Variants in ATXN7L1 observed in about 807,000 individuals in gnomAD.
ATXN7L1 encodes the protein ataxin-7-like protein 1.
A neutral mutation model predicts 70.8 loss-of-function variants in ATXN7L1; 15 were observed. That is an observed-to-expected ratio of 0.21 (90% CI 0.14 to 0.33). ATXN7L1 has a LOEUF of 0.33. Among genes scored for constraint, ATXN7L1 ranks in the 10% least tolerant of loss-of-function variants. The probability of loss-of-function intolerance (pLI) is 1.00; values close to 1 mark genes in which losing one functional copy is unlikely to be tolerated. For synonymous variants in ATXN7L1, 440 were observed against 445.1 expected (o/e 0.99, Z 0.14); for missense variants, 975 against 1,097.1 (o/e 0.89, Z 1.57).
chr7:105,813,397 G>A (rs1003596495), intron 2 of ATXN7L1, among the ~76,000 whole-genome samples: 1 of 150,214 alleles, frequency 6.7e-6, no homozygotes, highest in Non-Finnish European at 1.5e-5. Flanking sequence ...GAGTGCAATG[G>A]CACAATCTCA....
chr7:105,664,563 A>ATGTGTGTG (rs201514886), intron 4 of ATXN7L1, among the ~76,000 whole-genome samples: 2 of 134,736 alleles, frequency 1.5e-5, no homozygotes, highest in African/African-American at 6.0e-5. Context: ...TATATATATT[A>ATGTGTGTG]TGTATGTGTG....
intron 3 of ATXN7L1, among the ~76,000 whole-genome samples, chr7:105,727,785 C>CAA (rs1796081723): frequency 1.8e-5 from 1 of 54,892 alleles, no homozygotes; most frequent in African/African-American, 8.7e-5. Context: ...TATACACACA[C>CAA]ATACACACAT....
chr7:105,731,665 C>T (rs1428421977), intron 3 of ATXN7L1, among the ~76,000 whole-genome samples: 1 of 150,866 alleles, frequency 6.6e-6, no homozygotes, highest in East Asian at 2.0e-4. Flanking sequence ...GAACTCCTGA[C>T]CTCAGGTGAT....
At chr7:105,799,198 C>T (rs1048522014) in intron 2 of ATXN7L1, among the ~76,000 whole-genome samples, 1 of 152,206 alleles carries the variant, frequency 6.6e-6, no homozygotes, top group Non-Finnish European at 1.5e-5. Context: ...TTTGTAAAGG[C>T]ACAAGGAGAG....
chr7:105,819,724 G>C, intron 2 of ATXN7L1: 1 of 814,572 alleles, frequency 1.2e-6, no homozygotes, highest in East Asian at 2.8e-5. Context: ...GCCTCTAGCC[G>C]CACCTTCCGG....
intron 3 of ATXN7L1, among the ~76,000 whole-genome samples, chr7:105,687,326 T>C (rs900105218): frequency 3.3e-5 from 5 of 152,216 alleles, no homozygotes; most frequent in Admixed American, 1.3e-4. Flanking sequence ...ACTTCATATG[T>C]TGATGTCTTA....
At position 105,784,310 on chromosome 7, in the gene ATXN7L1, C is replaced by G. The variant is rs79571490; in HGVS notation, c.355+4294G>C. Reference sequence around the variant, plus strand: ...CGGAACTGAATTAAATCGTAGGACACTGAATTGGTACCTGCAGAGAATCCC... The same window carrying G: ...CGGAACTGAATTAAATCGTAGGACAGTGAATTGGTACCTGCAGAGAATCCC... On this transcript the variant is annotated intron_variant, in intron 3 of 11. Transcript: ENST00000419735. 3.9e-3 allele frequency among the ~76,000 whole-genome samples: 590 copies of G among 152,196 alleles called. 5 individuals carry two copies. The highest frequency in any genetic ancestry group is 0.013 in the African/African-American group (536 of 41,496).
At chr7:105,868,341 G>A (rs74454369) in intron 2 of ATXN7L1, among the ~76,000 whole-genome samples, 4,371 of 152,272 alleles carry the variant, frequency 0.029, 210 homozygotes, top group African/African-American at 0.098. Context: ...GTTTTTCACT[G>A]CTGTGTCCCT....
At chr7:105,741,033 G>C (rs1030650488) in intron 3 of ATXN7L1, among the ~76,000 whole-genome samples, 6 of 151,984 alleles carry the variant, frequency 3.9e-5, no homozygotes, top group African/African-American at 7.3e-5. Context: ...CAAAGTGCTG[G>C]GATTACACGC....
At chr7:105,692,503 A>G (rs772950532) in intron 3 of ATXN7L1, among the ~76,000 whole-genome samples, 19 of 141,308 alleles carry the variant, frequency 1.3e-4, no homozygotes, top group Non-Finnish European at 1.8e-4. Flanking sequence ...CTGGAGTGCA[A>G]TGGCGCTATC....
intron 2 of ATXN7L1, among the ~76,000 whole-genome samples, chr7:105,872,968 C>T (rs1357714486): frequency 1.3e-5 from 2 of 151,920 alleles, no homozygotes; most frequent in African/African-American, 4.8e-5. Context: ...TCCTGGCTAA[C>T]ACGGTGAAAC....
At position 105,696,927 on chromosome 7, in the gene ATXN7L1, C is replaced by T. The variant is rs537426247; in HGVS notation, c.356-31639G>A. 5.3e-5 allele frequency among the ~76,000 whole-genome samples: 8 copies of T among 152,304 alleles called. No homozygotes were observed. The South Asian group carries it at 1.7e-3, about 32-fold the overall frequency. On this transcript the variant is annotated intron_variant, in intron 3 of 11. Coordinates refer to ENST00000419735, the MANE Select transcript of ATXN7L1 (RefSeq NM_020725.2). ...AAAGCTGGGCGTCCGGGGGAGACAT[C>T]ACACGTTGGTAGGATCCGTGATGCC...
chr7:105,647,578 C>T (rs909175893), intron 4 of ATXN7L1, among the ~76,000 whole-genome samples: 2 of 152,204 alleles, frequency 1.3e-5, no homozygotes, highest in Non-Finnish European at 2.9e-5. Flanking sequence ...ACCTGGGAGA[C>T]GGAGGTTGCA....
intron 4 of ATXN7L1, among the ~76,000 whole-genome samples, chr7:105,649,999 C>T (rs1039723664): frequency 1.3e-5 from 2 of 152,194 alleles, no homozygotes; most frequent in African/African-American, 4.8e-5. Flanking sequence ...GCAGTGATAG[C>T]ATTAAGTCAT....
chr7:105,608,034 A>T (rs750115729), intron 11 of ATXN7L1, 144 bp from the exon 12 acceptor site: 49 of 736,290 alleles, frequency 6.7e-5, no homozygotes, highest in Non-Finnish European at 1.1e-4. Flanking sequence ...GGCAGCTGGA[A>T]TAGCAAGAGA....
chr7:105,852,944 G>A (rs777297888), intron 2 of ATXN7L1, among the ~76,000 whole-genome samples: 2 of 152,004 alleles, frequency 1.3e-5, no homozygotes, highest in African/African-American at 2.4e-5. Flanking sequence ...TGAAAGAAAC[G>A]AGTCGCAAAA....
intron 3 of ATXN7L1, among the ~76,000 whole-genome samples, chr7:105,699,843 C>A (rs186099422): frequency 1.3e-5 from 2 of 152,314 alleles, no homozygotes; most frequent in Admixed American, 1.3e-4. Flanking sequence ...CCTGTATTTT[C>A]CTGCAGTCTG....
At chr7:105,783,762 T>C (rs1055853196) in intron 3 of ATXN7L1, among the ~76,000 whole-genome samples, 2 of 152,198 alleles carry the variant, frequency 1.3e-5, no homozygotes, top group East Asian at 3.8e-4. Context: ...GTAAAATGTT[T>C]CCTTGAGTTC....
intron 3 of ATXN7L1, among the ~76,000 whole-genome samples, chr7:105,772,063 A>ATT (rs533366742): frequency 0.02 from 2,033 of 99,856 alleles, 317 homozygotes; most frequent in African/African-American, 0.061. Context: ...TCAGATTGGA[A>ATT]TTTTTTTTTT....
Sources: gnomAD v4.1 joint callset for allele counts (sites outside exome capture counted in the v4.1 genomes callset) on GRCh38, gnomAD v4.1.1 for gene constraint, MANE v1.5 for transcripts, NCBI Gene and HGNC (gene_info 2026-07-23, HGNC 2026-07-21) for gene names.